Variants in ATRX observed in about 807,000 individuals in gnomAD.
ATRX encodes ATRX chromatin remodeler.
A neutral mutation model predicts 172.6 loss-of-function variants in ATRX; 12 were observed. That is an observed-to-expected ratio of 0.07 (90% CI 0.04 to 0.11). ATRX has a LOEUF of 0.11. ATRX is among the 10% of genes least tolerant of loss of function. The pLI, the probability that ATRX is intolerant of heterozygous loss-of-function variation, is 1.00. For synonymous variants in ATRX, 674 were observed against 594.7 expected, an observed-to-expected ratio of 1.13 and a Z score of -1.94; for missense variants, 1,368 against 1,767.4, an observed-to-expected ratio of 0.77 and a Z score of 4.05.
intron 28 of ATRX, among the ~76,000 whole-genome samples, chrX:77,567,354 T>C (rs1645587933): frequency 9.0e-6 from 1 of 111,532 alleles, no homozygotes; most frequent in African/African-American, 3.3e-5. Context: ...ACATGCTGTC[T>C]ACAAGAAACT....
At chrX:77,659,707 T>G (rs920960469) in intron 12 of ATRX, among the ~76,000 whole-genome samples, 1 of 112,034 alleles carries the variant, frequency 8.9e-6, no homozygotes, top group Non-Finnish European at 1.9e-5. Flanking sequence ...AATAATTTTG[T>G]AACATTTTTC....
At chrX:77,592,026 A>C (rs983566320) in intron 26 of ATRX, among the ~76,000 whole-genome samples, 22 of 112,045 alleles carry the variant, frequency 2.0e-4, no homozygotes, top group African/African-American at 6.2e-4. Context: ...AGTTGCAGAC[A>C]ACATGAAGAA....
intron 10 of ATRX, among the ~76,000 whole-genome samples, chrX:77,666,885 T>A (rs1557126561): frequency 8.9e-6 from 1 of 111,907 alleles, no homozygotes; most frequent in Admixed American, 9.5e-5. Flanking sequence ...GTATGTTTAT[T>A]ATAATGTTGT....
rs781955375 is a variant in ATRX at position 77,702,065 on chromosome X, CA to C, written c.134-3437del. Among the ~76,000 whole-genome samples, 131 of 107,346 alleles carry C rather than the reference CA, an allele frequency of 1.2e-3. 1 individual carries two copies. Among genetic ancestry groups the C allele is most frequent in the Admixed American group, 2.0e-3 (20 of 10,084 alleles). 93.2% of individuals were successfully genotyped at this position (107,346 alleles called of 115,157 possible). A position where few individuals can be genotyped will look rare whatever the true frequency, so the allele number is the denominator to read the frequency against. On this transcript the variant is annotated intron_variant, in intron 2 of 34. Coordinates refer to ENST00000373344, the MANE Select transcript of ATRX (RefSeq NM_000489.6). ...TGGTCAACAAAGCGAGACTCTGTCT[CA>C]AAAAAAAATAAAAAATAAAACTATC... is the stretch of plus-strand genomic sequence containing the variant.
In ATRX at chrX:77,681,996, T is replaced by C. The variant is rs1557137805; in HGVS notation, c.3260A>G (p.Tyr1087Cys). Residue 1087 changes from tyrosine to cysteine, a missense_variant, in exon 9 of 35, where the codon TAT becomes TGT. Tyr to Cys is a radical substitution (Grantham distance 194). Coordinates refer to ENST00000373344, the MANE Select transcript of ATRX (RefSeq NM_000489.6). ...SEDKKSKNGA[Y>C]GREKKRCKLL... ...CTTGCACCTTTTCTTCTCTCTACCA[T>C]ATGCTCCATTCTTACTCTTTTTATC... 1 of 1,210,730 alleles carries C rather than the reference T, an allele frequency of 8.3e-7. No individual in the cohort carries two copies. Among genetic ancestry groups the C allele is most frequent in the Admixed American group, 2.2e-5 (1 of 45,991 alleles).
intron 10 of ATRX, among the ~76,000 whole-genome samples, chrX:77,671,169 T>A (rs1208397058): frequency 0.037 from 700 of 18,965 alleles, 26 homozygotes; most frequent in African/African-American, 0.088. Flanking sequence ...AAAAAAAAAA[T>A]ATATATATAT....
rs1212897003 is a variant in ATRX, at chrX:77,740,389, A to G, written c.21-23146T>C. Among the ~76,000 whole-genome samples the G allele has an allele frequency of 5.4e-5, 6 of 110,894 alleles. No individual in the cohort carries two copies. The South Asian group carries it at 1.9e-3, about 35-fold the overall frequency. The stretch of plus-strand genomic sequence containing the variant: ...ATCCCAGTCTTAGAGGGGCCCCTAC[A>G]CTTTCCTAGGTTTTACCTCCAGGAA... On this transcript the variant is annotated intron_variant, in intron 1 of 34. Transcript: ENST00000373344.
At chrX:77,773,092 T>TAAAAAAAA (rs782649057) in intron 1 of ATRX, among the ~76,000 whole-genome samples, 20 of 37,344 alleles carry the variant, frequency 5.4e-4, no homozygotes, top group Non-Finnish European at 5.9e-4. Flanking sequence ...AAATTTCAGC[T>TAAAAAAAA]AAAAAAAAAA....
rs2147629872 is a variant in ATRX at position 77,505,796 on chromosome X, T to G, written c.*2555A>C. The G allele has an allele frequency of 5.8e-6, 1 of 172,563 alleles. No homozygotes were observed. Among genetic ancestry groups the G allele is most frequent in the East Asian group, 8.4e-5 (1 of 11,946 alleles). 14.2% of individuals were successfully genotyped at this position (172,563 alleles called of 1,213,427 possible). ...GCACTTTGAATGGTGAAAACACAGA[T>G]AGTATATTGTCATACTTGAATGCTT... On this transcript the variant is annotated 3_prime_UTR_variant, in exon 35 of 35. Coordinates refer to ENST00000373344, the MANE Select transcript of ATRX (RefSeq NM_000489.6).
At chrX:77,772,467 C>CAAAA (rs782408268) in intron 1 of ATRX, among the ~76,000 whole-genome samples, 1 of 39,834 alleles carries the variant, frequency 2.5e-5, no homozygotes, top group Admixed American at 3.0e-4. Flanking sequence ...TCCCTTCTCT[C>CAAAA]AAAAAAAAAA....
chrX:77,676,923 A>G (rs2070903638), intron 9 of ATRX, among the ~76,000 whole-genome samples: 1 of 111,758 alleles, frequency 8.9e-6, no homozygotes, highest in African/African-American at 3.3e-5. Context: ...GGAGTTCCAG[A>G]CCAGCCTGGC....
intron 2 of ATRX, among the ~76,000 whole-genome samples, chrX:77,706,991 A>AAACATATAT (rs2072862124): frequency 8.9e-6 from 1 of 112,668 alleles, no homozygotes; most frequent in Non-Finnish European, 1.9e-5. Flanking sequence ...AAATATGAAT[A>AAACATATAT]GATAAACAAA....
In ATRX at chrX:77,665,900, T is replaced by C. The variant is rs45446795; in HGVS notation, c.3810-1122A>G. Among the ~76,000 whole-genome samples the C allele has an allele frequency of 3.6e-3, 399 of 111,819 alleles. 3 individuals carry two copies. The highest frequency in any genetic ancestry group is 0.012 in the African/African-American group (365 of 30,804). On this transcript the variant is annotated intron_variant, in intron 10 of 34. Coordinates refer to ENST00000373344, the MANE Select transcript of ATRX (RefSeq NM_000489.6). ...AACTTGTAGCTGAGATGATGGAACA[T>C]TTGTTATTTCTGGATTTGAAACCCC...
At chrX:77,780,973 G>C (rs1557205285) in intron 1 of ATRX, among the ~76,000 whole-genome samples, 1 of 110,434 alleles carries the variant, frequency 9.1e-6, no homozygotes, top group Admixed American at 9.7e-5. Flanking sequence ...ATCTAGTCTT[G>C]TTCGTTCTGC....
At chrX:77,773,213 C>A (rs1180532548) in intron 1 of ATRX, among the ~76,000 whole-genome samples, 1 of 108,995 alleles carries the variant, frequency 9.2e-6, no homozygotes, top group Non-Finnish European at 1.9e-5. Context: ...CAGGTCCAAT[C>A]ACTTTAACAT....
chrX:77,537,506 T>C (rs2147833246), intron 30 of ATRX, among the ~76,000 whole-genome samples: 1 of 110,334 alleles, frequency 9.1e-6, no homozygotes, highest in South Asian at 3.9e-4. Flanking sequence ...TTTCTAATAG[T>C]GTGAAAGCTG....
intron 1 of ATRX, among the ~76,000 whole-genome samples, chrX:77,754,765 CATT>C (rs1338789613): frequency 9.0e-6 from 1 of 111,694 alleles, no homozygotes; most frequent in Non-Finnish European, 1.9e-5. Flanking sequence ...CTGCCCTTAA[CATT>C]TTTTCCTTCA....
Position 77,766,626 on chromosome X carries a change from G to A in ATRX, c.20+19356C>T, listed in dbSNP as rs782007588. ...GCTCCCCACATCTCAGACGATGAGC[G>A]GCCGGGCAGAGACGCTCCTCACTTC... On this transcript the variant is annotated intron_variant, in intron 1 of 34. Coordinates refer to ENST00000373344, the MANE Select transcript of ATRX (RefSeq NM_000489.6). Among the ~76,000 whole-genome samples, 37 of 106,514 alleles carry A rather than the reference G, an allele frequency of 3.5e-4. 1 individual carries two copies. Among genetic ancestry groups the A allele is most frequent in the African/African-American group, 6.9e-4 (20 of 29,136 alleles). 92.5% of individuals were successfully genotyped at this position (106,514 alleles called of 115,157 possible).
intron 22 of ATRX, among the ~76,000 whole-genome samples, chrX:77,601,461 G>A (rs2066672203): frequency 9.9e-6 from 1 of 101,295 alleles, no homozygotes. Context: ...CTGGATGAAA[G>A]AGCAAAACCT....
Sources: gnomAD v4.1 joint callset for allele counts (sites outside exome capture counted in the v4.1 genomes callset) on GRCh38, gnomAD v4.1.1 for gene constraint, MANE v1.5 for transcripts, NCBI Gene and HGNC (gene_info 2026-07-23, HGNC 2026-07-21) for gene names.